The following TEAD1 variants were observed in gnomAD, a reference collection of about 807,000 sequenced individuals.
The protein encoded by TEAD1 is TEA domain transcription factor 1.
In TEAD1, 9 loss-of-function variants were observed where a neutral mutation model predicts 54.9. The observed-to-expected ratio is 0.16, with a 90% CI of 0.10 to 0.29. TEAD1 has a LOEUF of 0.29. Among genes scored for constraint, TEAD1 ranks in the 10% least tolerant of loss-of-function variants. The probability of loss-of-function intolerance (pLI) is 1.00; values close to 1 mark genes in which losing one functional copy is unlikely to be tolerated. For synonymous variants in TEAD1, 200 were observed against 187.8 expected, an observed-to-expected ratio of 1.07 and a Z score of -0.53; for missense variants, 387 against 535.9, an observed-to-expected ratio of 0.72 and a Z score of 2.74.
At chr11:12,757,925 G>A (rs12360935) in intron 2 of TEAD1, among the ~76,000 whole-genome samples, 9,690 of 151,940 alleles carry the variant, frequency 0.064, 414 homozygotes, top group Admixed American at 0.11. Context: ...GATTACAGGC[G>A]CCTGCCACCA....
intron 3 of TEAD1, among the ~76,000 whole-genome samples, chr11:12,860,747 C>A (rs1233359998): frequency 1.3e-5 from 2 of 152,020 alleles, no homozygotes. Flanking sequence ...GGAAGTAAGA[C>A]AACAAACACA....
At chr11:12,828,124 G>T (rs1184950865) in intron 3 of TEAD1, 1 of 152,176 alleles carries the variant, frequency 6.6e-6, no homozygotes, top group East Asian at 1.9e-4. Context: ...TGTCAATAAA[G>T]ACGTTTAAAA....
chr11:12,720,417 A>C, intron 2 of TEAD1, among the ~76,000 whole-genome samples: 1 of 152,190 alleles, frequency 6.6e-6, no homozygotes, highest in East Asian at 1.9e-4. Context: ...AAATTCTACA[A>C]TGCTTATAGT....
At chr11:12,877,298 A>G (rs1947871100) in intron 5 of TEAD1, among the ~76,000 whole-genome samples, 1 of 152,204 alleles carries the variant, frequency 6.6e-6, no homozygotes, top group Admixed American at 6.5e-5. Flanking sequence ...AGCATCCATG[A>G]AAAGCTGTTA....
Position 12,717,511 on chromosome 11 carries a change from C to T in TEAD1, c.-55+41950C>T, listed in dbSNP as rs373086660. 1.8e-4 allele frequency among the ~76,000 whole-genome samples: 27 copies of T among 152,278 alleles called. No homozygotes were observed. The South Asian group carries it at 3.7e-3, about 21-fold the overall frequency. On this transcript the variant is annotated intron_variant, in intron 2 of 12. Coordinates refer to ENST00000527636, the MANE Select transcript of TEAD1 (RefSeq NM_021961.6). ...TGTGCCCTGTAGCATTCATTCTTGCCGCATGCTGGGAGATGGGTGGTTATT... is the reference window on the plus strand; with the variant it reads ...TGTGCCCTGTAGCATTCATTCTTGCTGCATGCTGGGAGATGGGTGGTTATT...
chr11:12,908,835 C>T (rs767610786), intron 10 of TEAD1, among the ~76,000 whole-genome samples: 2 of 150,310 alleles, frequency 1.3e-5, no homozygotes, highest in Non-Finnish European at 2.9e-5. Context: ...ACTTTTATAC[C>T]TTATGAAATA....
At position 12,939,909 on chromosome 11, in the gene TEAD1, C is replaced by T. The variant is rs1484441579; in HGVS notation, c.*2687C>T. The T allele has an allele frequency of 6.6e-6, 1 of 152,214 alleles. No individual in the cohort carries two copies. Among genetic ancestry groups the T allele is most frequent in the Non-Finnish European group, 1.5e-5 (1 of 68,058 alleles). The allele number at this position is 152,214 out of a possible 1,614,324, so 9.4% of individuals were successfully genotyped here. A position where few individuals can be genotyped will look rare whatever the true frequency, so the allele number is the denominator to read the frequency against. ...TAATCTGAGTCTGTCTTTTGTCCTT[C>T]ATTCTGTATGGCAGTCTCCCTTTGT... On this transcript the variant is annotated 3_prime_UTR_variant, in exon 13 of 13. Coordinates refer to ENST00000527636, the MANE Select transcript of TEAD1 (RefSeq NM_021961.6).
intron 9 of TEAD1, among the ~76,000 whole-genome samples, chr11:12,892,315 A>G (rs537801286): frequency 6.6e-6 from 1 of 152,180 alleles, no homozygotes; most frequent in African/African-American, 2.4e-5. Flanking sequence ...ATGGCTGTGC[A>G]TGGGGGATTA....
chr11:12,758,693 C>T (rs1041926590), intron 2 of TEAD1, among the ~76,000 whole-genome samples: 3 of 152,050 alleles, frequency 2.0e-5, no homozygotes, highest in East Asian at 3.9e-4. Context: ...GGATTACAGG[C>T]GTGGGCCACC....
chr11:12,864,786 CT>C, intron 4 of TEAD1, 51 bp from the exon 5 acceptor site: 7 of 1,613,758 alleles, frequency 4.3e-6, no homozygotes, highest in Non-Finnish European at 5.9e-6. Context: ...GGCTTTTCAT[CT>C]CCATGGTTAC....
At position 12,944,292 on chromosome 11, in the gene TEAD1, C is replaced by T. The variant is rs1045796693; in HGVS notation, c.*7070C>T. 1 of 152,574 alleles carries T rather than the reference C, an allele frequency of 6.6e-6. No individual in the cohort carries two copies. The highest frequency in any genetic ancestry group is 2.4e-5 in the African/African-American group (1 of 41,420). 9.5% of individuals were successfully genotyped at this position (152,574 alleles called of 1,614,324 possible). Reference sequence around the variant, plus strand: ...TTCTTAACCTATTTGCAGAAACTTTCAAAAGGCATTTGATTAAACCTCTTG... The same window carrying T: ...TTCTTAACCTATTTGCAGAAACTTTTAAAAGGCATTTGATTAAACCTCTTG... On this transcript the variant is annotated 3_prime_UTR_variant, in exon 13 of 13. Coordinates refer to ENST00000527636, the MANE Select transcript of TEAD1 (RefSeq NM_021961.6).
chr11:12,933,879 G>T (rs1040486161), intron 12 of TEAD1, among the ~76,000 whole-genome samples: 1 of 152,152 alleles, frequency 6.6e-6, no homozygotes, highest in Non-Finnish European at 1.5e-5. Flanking sequence ...TAAAAAGTCA[G>T]GAAACAACAG....
chr11:12,875,573 A>G (rs1947838201), intron 5 of TEAD1, among the ~76,000 whole-genome samples: 1 of 152,208 alleles, frequency 6.6e-6, no homozygotes, highest in Non-Finnish European at 1.5e-5. Context: ...TTCAATATAT[A>G]TTGTAGATAA....
chr11:12,728,646 G>A (rs1419331412), intron 2 of TEAD1, among the ~76,000 whole-genome samples: 1 of 152,166 alleles, frequency 6.6e-6, no homozygotes. Flanking sequence ...CCTCCAGTGT[G>A]TTTCCAGAAT....
chr11:12,807,367 TA>T (rs990256564), intron 3 of TEAD1, among the ~76,000 whole-genome samples: 3 of 152,130 alleles, frequency 2.0e-5, no homozygotes, highest in African/African-American at 7.2e-5. Flanking sequence ...TAACACAGGG[TA>T]GGGGGCAGTA....
intron 9 of TEAD1, among the ~76,000 whole-genome samples, chr11:12,896,362 G>A (rs918784142): frequency 6.6e-6 from 1 of 152,056 alleles, no homozygotes; most frequent in Non-Finnish European, 1.5e-5. Context: ...TTCTATGTTA[G>A]GCCCCATCTC....
chr11:12,869,205 C>T (rs909470381), intron 5 of TEAD1, among the ~76,000 whole-genome samples: 1 of 152,148 alleles, frequency 6.6e-6, no homozygotes, highest in African/African-American at 2.4e-5. Flanking sequence ...AAAGACCTCG[C>T]CAGCCAGGTT....
intron 2 of TEAD1, among the ~76,000 whole-genome samples, chr11:12,750,548 TAGACAGAC>T (rs150797190): frequency 6.6e-6 from 1 of 152,028 alleles, no homozygotes; most frequent in Admixed American, 6.5e-5. Flanking sequence ...TCTTCCCAAG[TAGACAGAC>T]AGACAGACAG....
intron 3 of TEAD1, among the ~76,000 whole-genome samples, chr11:12,830,551 CCCA>C (rs2134016557): frequency 6.6e-6 from 1 of 152,210 alleles, no homozygotes; most frequent in African/African-American, 2.4e-5. Flanking sequence ...CTGCAGCCTC[CCCA>C]CACGACACAG....
Sources: allele counts gnomAD v4.1 joint callset (sites outside exome capture counted in the v4.1 genomes callset), GRCh38; gene constraint gnomAD v4.1.1; transcripts MANE v1.5; gene names NCBI Gene and HGNC (gene_info 2026-07-23, HGNC 2026-07-21).